Variants in VDAC1 observed in about 807,000 individuals in gnomAD.
VDAC1 encodes non-selective voltage-gated ion channel VDAC1.
Under a neutral mutation model 34.7 loss-of-function variants are expected in VDAC1, and 10 were observed. The ratio of observed to expected loss-of-function variants is 0.29; its 90% CI spans 0.18 to 0.49. VDAC1 has a LOEUF of 0.49. Among genes scored for constraint, VDAC1 ranks in the 20% least tolerant of loss-of-function variants. VDAC1 has a pLI of 0.99. For synonymous variants in VDAC1, 130 were observed against 136.0 expected, an observed-to-expected ratio of 0.96 and a Z score of 0.30; for missense variants, 230 against 347.9, an observed-to-expected ratio of 0.66 and a Z score of 2.69.
chr5:134,065,789 A>ATTTTT, the VDAC1 span, among the ~76,000 whole-genome samples: 26 of 99,820 alleles, frequency 2.6e-4, no homozygotes, highest in Admixed American at 3.8e-4. Flanking sequence ...CAGATAGTAA[A>ATTTTT]TTTTTTTTTT....
At chr5:134,099,990 C>A in the VDAC1 span, among the ~76,000 whole-genome samples, 2 of 152,256 alleles carry the variant, frequency 1.3e-5, no homozygotes, top group Admixed American at 6.5e-5. Context: ...TACAGCCTGG[C>A]CCCTTGGTTG....
the VDAC1 span, among the ~76,000 whole-genome samples, chr5:134,097,713 A>T: frequency 7.2e-5 from 11 of 152,288 alleles, no homozygotes; most frequent in South Asian, 1.0e-3. Context: ...GGAGAATAGA[A>T]GAGTGTGTGT....
At chr5:134,100,582 C>T in the VDAC1 span, among the ~76,000 whole-genome samples, 1 of 152,198 alleles carries the variant, frequency 6.6e-6, no homozygotes, top group South Asian at 2.1e-4. Flanking sequence ...CAGCAGCAGA[C>T]GCAGGCCTAG....
At chr5:134,051,595 T>C in the VDAC1 span, among the ~76,000 whole-genome samples, 1 of 152,028 alleles carries the variant, frequency 6.6e-6, no homozygotes, top group Non-Finnish European at 1.5e-5. Context: ...TTCTTACAGA[T>C]ATTAAATGAT....
chr5:134,030,684 C>T, the VDAC1 span, among the ~76,000 whole-genome samples: 11 of 151,896 alleles, frequency 7.2e-5, no homozygotes, highest in Non-Finnish European at 1.5e-4. Context: ...CTCAGCTCAC[C>T]GCAACCTCCA....
At chr5:133,983,755 C>T (rs1385695847) in intron 5 of VDAC1, among the ~76,000 whole-genome samples, 1 of 152,122 alleles carries the variant, frequency 6.6e-6, no homozygotes, top group Non-Finnish European at 1.5e-5. Context: ...ATGCAGTCCC[C>T]AGTGTTGGAC....
chr5:133,976,014 C>T lies in VDAC1; in HGVS notation c.559G>A (p.Gly187Arg), dbSNP rs781644514. ...TAAATGGAGCCGCCAAACTCTGTCCCGTCATTCCTGCAAACAAGCACAGGA... is the reference window on the plus strand; with the variant it reads ...TAAATGGAGCCGCCAAACTCTGTCCTGTCATTCCTGCAAACAAGCACAGGA... ...EFQLHTNVNDGTEFGGSIYQK... is the reference protein window; with the variant it reads ...EFQLHTNVNDRTEFGGSIYQK... The change falls in exon 7 of 9, where the codon GGG becomes AGG. Residue 187 changes from glycine to arginine, a missense_variant. Coordinates refer to ENST00000265333, the MANE Select transcript of VDAC1 (RefSeq NM_003374.3). The T allele has an allele frequency of 8.1e-6, 13 of 1,614,006 alleles. No homozygotes were observed. The highest frequency in any genetic ancestry group is 1.0e-5 in the Non-Finnish European group (12 of 1,180,012).
chr5:133,989,718 A>G (rs1753032009), intron 5 of VDAC1, among the ~76,000 whole-genome samples: 1 of 150,540 alleles, frequency 6.6e-6, no homozygotes, highest in South Asian at 2.1e-4. Flanking sequence ...GGTGCAGTGC[A>G]ATGGCACCAC....
chr5:134,029,371 A>G, the VDAC1 span, among the ~76,000 whole-genome samples: 2 of 152,212 alleles, frequency 1.3e-5, no homozygotes, highest in Non-Finnish European at 2.9e-5. Flanking sequence ...CTTTGGGGTA[A>G]TTTATTATGC....
Position 133,975,942 on chromosome 5 carries a change from T to C in VDAC1, c.631A>G (p.Thr211Ala), listed in dbSNP as rs1453284864. The C allele has an allele frequency of 6.2e-7, 1 of 1,613,480 alleles. No homozygotes were observed. The highest frequency in any genetic ancestry group is 1.7e-5 in the Admixed American group (1 of 59,920). ...AAGCGCGTGTTACTGTTTCCTGCTGTCCAGGCAAGATTGACAGCGGTCTCC... is the reference window on the plus strand; with the variant it reads ...AAGCGCGTGTTACTGTTTCCTGCTGCCCAGGCAAGATTGACAGCGGTCTCC... ...KLETAVNLAW[T>A]AGNSNTRFGI... The change falls in exon 7 of 9, where the codon ACA (threonine) becomes GCA (alanine). Residue 211 changes from threonine to alanine, a missense_variant. Physicochemically the swap from Thr to Ala is moderately conservative, Grantham distance 58. Coordinates refer to ENST00000265333, the MANE Select transcript of VDAC1 (RefSeq NM_003374.3).
chr5:134,107,039 G>A, the VDAC1 span, among the ~76,000 whole-genome samples: 2 of 152,156 alleles, frequency 1.3e-5, no homozygotes, highest in African/African-American at 4.8e-5. Context: ...TTGGTATGAG[G>A]CCCCCTTGAG....
At chr5:134,113,592 G>C in the VDAC1 span, among the ~76,000 whole-genome samples, 1 of 152,274 alleles carries the variant, frequency 6.6e-6, no homozygotes, top group Non-Finnish European at 1.5e-5. Flanking sequence ...AGTGAACCCA[G>C]CACAGAAACC....
chr5:134,034,152 C>T, the VDAC1 span, among the ~76,000 whole-genome samples: 1 of 150,032 alleles, frequency 6.7e-6, no homozygotes, highest in Non-Finnish European at 1.5e-5. Flanking sequence ...CACATGTTCT[C>T]AGGATCTCCT....
At chr5:134,071,284 G>T in the VDAC1 span, among the ~76,000 whole-genome samples, 1 of 152,228 alleles carries the variant, frequency 6.6e-6, no homozygotes, top group African/African-American at 2.4e-5. This position sits in a 1 kb window ranked among gnomAD's most constrained non-coding sequence, Gnocchi z 4.1. Flanking sequence ...CGTGCGGGAG[G>T]GGGCAGCCAG....
Position 133,991,014 on chromosome 5 carries a change from A to T in VDAC1, c.258T>A (p.Thr86=). Residue 86 remains threonine (T), a synonymous_variant, in exon 4 of 9, where the codon ACT becomes ACA. Transcript: ENST00000265333. ...CAGCAGCCATTACCTGATCTTCCAC[A>T]GTAATCTCGGTGCCTAGTGTATTGT... is the stretch of plus-strand genomic sequence containing the variant. ...NTDNTLGTEI[T]VEDQLARGLK... 6.2e-7 allele frequency: 1 copy of T among 1,614,172 alleles called. No homozygotes were observed. The highest frequency in any genetic ancestry group is 8.5e-7 in the Non-Finnish European group (1 of 1,180,024).
chr5:134,035,807 C>A, the VDAC1 span, among the ~76,000 whole-genome samples: 2 of 152,014 alleles, frequency 1.3e-5, no homozygotes, highest in Non-Finnish European at 2.9e-5. Context: ...GAGTTCAAGA[C>A]CAGCCTGGCC....
the VDAC1 span, among the ~76,000 whole-genome samples, chr5:134,012,136 G>C: frequency 6.6e-6 from 1 of 152,212 alleles, no homozygotes; most frequent in Non-Finnish European, 1.5e-5. Context: ...AAGGAGCCAT[G>C]AGCCAAGGAA....
chr5:133,997,255 C>T (rs921509854), intron 1 of VDAC1, among the ~76,000 whole-genome samples: 25 of 152,156 alleles, frequency 1.6e-4, no homozygotes, highest in African/African-American at 6.0e-4. Flanking sequence ...CTGTAGCAAC[C>T]AAGGCACTAC....
At chr5:133,991,457 C>T (rs1753099299) in intron 3 of VDAC1, among the ~76,000 whole-genome samples, 1 of 152,200 alleles carries the variant, frequency 6.6e-6, no homozygotes, top group African/African-American at 2.4e-5. Context: ...AGAGAAAAAG[C>T]ACTGAGCTAA....
Sources: allele counts gnomAD v4.1 joint callset (sites outside exome capture counted in the v4.1 genomes callset), GRCh38; gene constraint gnomAD v4.1.1; non-coding constraint Gnocchi (gnomAD v3.1); transcripts MANE v1.5; gene names NCBI Gene and HGNC (gene_info 2026-07-23, HGNC 2026-07-21).